The following VDAC3 variants were observed in gnomAD, a reference collection of about 807,000 sequenced individuals.
VDAC3 encodes voltage dependent anion channel 3.
VDAC3 carries 7 observed loss-of-function variants against 33.9 expected under a neutral mutation model. The ratio of observed to expected loss-of-function variants is 0.21; its 90% CI spans 0.12 to 0.39. The LOEUF is 0.39. Among genes scored for constraint, VDAC3 ranks in the 10% least tolerant of loss-of-function variants. The probability of loss-of-function intolerance (pLI) is 1.00; values close to 1 mark genes in which losing one functional copy is unlikely to be tolerated. For synonymous variants in VDAC3, 100 were observed against 122.4 expected, an observed-to-expected ratio of 0.82 and a Z score of 1.21; for missense variants, 261 against 334.5, an observed-to-expected ratio of 0.78 and a Z score of 1.71.
Position 42,393,861 on chromosome 8 carries a change from G to A in VDAC3, c.-26G>A, listed in dbSNP as rs1731395507. On this transcript the variant is annotated 5_prime_UTR_variant, in exon 2 of 10. Coordinates refer to ENST00000022615, the MANE Select transcript of VDAC3 (RefSeq NM_005662.7). The stretch of plus-strand genomic sequence containing the variant: ...CTTATACAGGTCTTTGGTTTCATAA[G>A]AGCCTGAGAGAGATTTTTCTAAGGT... 4.8e-6 allele frequency: 2 copies of A among 420,490 alleles called. No individual in the cohort carries two copies. Among genetic ancestry groups the A allele is most frequent in the Non-Finnish European group, 8.4e-6 (2 of 238,030 alleles). The allele number at this position is 420,490 out of a possible 1,614,324, so 26.0% of individuals were successfully genotyped here.
chr8:42,393,212 C>T (rs1265509280), intron 1 of VDAC3, among the ~76,000 whole-genome samples: 1 of 152,078 alleles, frequency 6.6e-6, no homozygotes, highest in Non-Finnish European at 1.5e-5. Context: ...ATGGGGTAGG[C>T]AGAAGCTTAG....
In VDAC3 at chr8:42,405,233, G is replaced by A. The variant is rs557202188; in HGVS notation, c.761-138G>A. 2.0e-4 allele frequency: 138 copies of A among 692,922 alleles called. 3 individuals are homozygous for A. The South Asian group carries it at 2.2e-3, about 11-fold the overall frequency. 42.9% of individuals were successfully genotyped at this position (692,922 alleles called of 1,614,324 possible). A position where few individuals can be genotyped will look rare whatever the true frequency, so the allele number is the denominator to read the frequency against. ...ACACATCAGATAGTTATAAATAACC[G>A]ATTGAGTAATAGCTGTTTGCTTATA... On this transcript the variant is annotated intron_variant, in intron 9 of 9. Transcript: ENST00000022615.
chr8:42,398,493 G>T (rs1162754976), intron 4 of VDAC3, among the ~76,000 whole-genome samples: 1 of 152,134 alleles, frequency 6.6e-6, no homozygotes, highest in Non-Finnish European at 1.5e-5. Context: ...CTCGTAACAT[G>T]CTGGGATTAC....
rs371290562 is a variant in VDAC3 at position 42,403,513 on chromosome 8, T to C, written c.702+52T>C. 2.2e-4 allele frequency: 335 copies of C among 1,495,046 alleles called. 1 individual carries two copies. The African/African-American group carries it at 4.2e-3, about 19-fold the overall frequency. 92.6% of individuals were successfully genotyped at this position (1,495,046 alleles called of 1,614,324 possible). On this transcript the variant is annotated intron_variant, in intron 8 of 9. Transcript: ENST00000022615. ...TGCTCTTATGTTTGTGTCTAAGTTT[T>C]CAGAGAATGTTGTGATATGAGTGTA... is the stretch of plus-strand genomic sequence containing the variant.
chr8:42,403,473 C>T lies in VDAC3; in HGVS notation c.702+12C>T. ...GAACTTCTCTCTCTGTAAGAATGTG[C>T]TGCCAGATTGGATCTGCTCTTATGT... is the stretch of plus-strand genomic sequence containing the variant. On this transcript the variant is annotated intron_variant, in intron 8 of 9. Coordinates refer to ENST00000022615, the MANE Select transcript of VDAC3 (RefSeq NM_005662.7). The T allele has an allele frequency of 6.4e-7, 1 of 1,556,120 alleles. No individual in the cohort carries two copies. The highest frequency in any genetic ancestry group is 8.7e-7 in the Non-Finnish European group (1 of 1,155,580).
intron 1 of VDAC3, 70 bp from the exon 2 acceptor site, chr8:42,393,775 G>A: frequency 2.5e-6 from 1 of 403,792 alleles, no homozygotes; most frequent in Non-Finnish European, 4.4e-6. Flanking sequence ...GGAGAAAAAT[G>A]TTAACCCTGA....
At chr8:42,402,471 T>C (rs1802432444) in intron 7 of VDAC3, among the ~76,000 whole-genome samples, 1 of 152,200 alleles carries the variant, frequency 6.6e-6, no homozygotes, top group African/African-American at 2.4e-5. Context: ...GTATTCTCGG[T>C]TGGAACCCAG....
intron 3 of VDAC3, 26 bp from the exon 4 acceptor site, chr8:42,395,058 G>C (rs1369609308): frequency 1.2e-6 from 2 of 1,613,456 alleles, no homozygotes; most frequent in Admixed American, 1.7e-5. Context: ...GTACATTACT[G>C]TGTTTTTGTG....
intron 8 of VDAC3, 124 bp from the exon 9 acceptor site, chr8:42,404,740 AAAT>A: frequency 1.5e-6 from 1 of 674,134 alleles, no homozygotes; most frequent in Non-Finnish European, 2.3e-6. Flanking sequence ...AAAAAAAAAA[AAAT>A]CAGTAATTCT....
chr8:42,392,987 G>C lies in VDAC3; in HGVS notation c.-42-858G>C, dbSNP rs144156779. Among the ~76,000 whole-genome samples, 745 of 152,330 alleles carry C rather than the reference G, an allele frequency of 4.9e-3. 5 individuals carry two copies. Among genetic ancestry groups the C allele is most frequent in the African/African-American group, 0.017 (710 of 41,564 alleles). On this transcript the variant is annotated intron_variant, in intron 1 of 9. Coordinates refer to ENST00000022615, the MANE Select transcript of VDAC3 (RefSeq NM_005662.7). ...GAATTGTAAAATAATCGTTCTGTAAGTGAATTATGAAACCTGGTAGCTTAG... is the reference window on the plus strand; with the variant it reads ...GAATTGTAAAATAATCGTTCTGTAACTGAATTATGAAACCTGGTAGCTTAG...
intron 8 of VDAC3, among the ~76,000 whole-genome samples, 191 bp from the exon 9 acceptor site, chr8:42,404,676 C>T (rs1221459691): frequency 2.7e-5 from 4 of 147,398 alleles, no homozygotes; most frequent in South Asian, 2.1e-4. Flanking sequence ...GAGCCGAGAT[C>T]GTGCCATCGC....
intron 9 of VDAC3, 37 bp from the exon 10 acceptor site, chr8:42,405,334 C>T (rs764718497): frequency 6.5e-6 from 10 of 1,532,998 alleles, no homozygotes; most frequent in Non-Finnish European, 9.0e-6. Flanking sequence ...AATTGTAATA[C>T]TTGTTTCAAG....
chr8:42,399,718 C>T lies in VDAC3; in HGVS notation c.323+15C>T, dbSNP rs759198940. 3.7e-6 allele frequency: 6 copies of T among 1,610,322 alleles called. No individual in the cohort carries two copies. The highest frequency in any genetic ancestry group is 5.1e-6 in the Non-Finnish European group (6 of 1,177,866). ...CCGAACACAGGGTAATTATTCAAAT[C>T]CCATTTCCTGAAACGTTTTTGGAGC... On this transcript the variant is annotated intron_variant, in intron 6 of 9. Coordinates refer to ENST00000022615, the MANE Select transcript of VDAC3 (RefSeq NM_005662.7).
chr8:42,396,373 C>T (rs1476872652), intron 4 of VDAC3, among the ~76,000 whole-genome samples: 1 of 152,152 alleles, frequency 6.6e-6, no homozygotes, highest in Non-Finnish European at 1.5e-5. Flanking sequence ...TCCATTCAAA[C>T]CCATGAAAAT....
chr8:42,396,685 GAAA>G (rs770745663), intron 4 of VDAC3: 1 of 688,078 alleles, frequency 1.5e-6, no homozygotes, highest in African/African-American at 1.8e-5. Flanking sequence ...CAGATGGTAA[GAAA>G]AAAAAGCTTA....
intron 3 of VDAC3, among the ~76,000 whole-genome samples, chr8:42,394,565 C>T: frequency 6.6e-6 from 1 of 152,010 alleles, no homozygotes; most frequent in East Asian, 1.9e-4. Context: ...TTTGTCTGGC[C>T]CTGAGGACAA....
intron 6 of VDAC3, among the ~76,000 whole-genome samples, chr8:42,401,579 G>C (rs544783167): frequency 6.6e-6 from 1 of 152,286 alleles, no homozygotes; most frequent in East Asian, 1.9e-4. Flanking sequence ...ATGAGTAATA[G>C]ATGATAGTAG....
intron 4 of VDAC3, among the ~76,000 whole-genome samples, chr8:42,395,958 TAAAA>T (rs543863402): frequency 8.3e-6 from 1 of 119,932 alleles, no homozygotes. Context: ...GACTTTGTCT[TAAAA>T]AAAAAAAAAA....
rs954454658 is a variant in VDAC3 at position 42,391,925 on chromosome 8, G to GGAGGTGAGGA, written c.-43+1_-43+10dup. ...CGGAGCAGAGACAGGCCCTCGGGGTGGAGGTGAGGAGAGCTGAGGCCGCGC... is the reference window on the plus strand; with the variant it reads ...CGGAGCAGAGACAGGCCCTCGGGGTGGAGGTGAGGAGAGGTGAGGAGAGCTGAGGCCGCGC... On this transcript the variant is annotated 5_prime_UTR_variant, in exon 1 of 10. Coordinates refer to ENST00000022615, the MANE Select transcript of VDAC3 (RefSeq NM_005662.7). The GGAGGTGAGGA allele has an allele frequency of 2.0e-5, 3 of 152,334 alleles. No individual in the cohort carries two copies. The highest frequency in any genetic ancestry group is 4.4e-5 in the Non-Finnish European group (3 of 68,210). 9.4% of individuals were successfully genotyped at this position (152,334 alleles called of 1,614,324 possible).
Sources: allele counts gnomAD v4.1 joint callset (sites outside exome capture counted in the v4.1 genomes callset), GRCh38; gene constraint gnomAD v4.1.1; transcripts MANE v1.5; gene names NCBI Gene and HGNC (gene_info 2026-07-23, HGNC 2026-07-21).